The following ULK4 variants were observed in gnomAD, a reference collection of about 807,000 sequenced individuals.
The protein encoded by ULK4 is unc-51 like kinase 4, also known as inactive serine/threonine-protein kinase ULK4.
Under a neutral mutation model 160.6 loss-of-function variants are expected in ULK4, and 133 were observed. That is an observed-to-expected ratio of 0.83 (90% CI 0.72 to 0.96). The LOEUF is 0.96. Ranked by LOEUF, ULK4 falls within the 40% of genes least tolerant of loss-of-function variation. The pLI is 0.00. For synonymous variants in ULK4, 534 were observed against 539.8 expected, an observed-to-expected ratio of 0.99 and a Z score of 0.15; for missense variants, 1,580 against 1,499.5, an observed-to-expected ratio of 1.05 and a Z score of -0.89.
chr3:41,851,364 T>C (rs967707756), intron 17 of ULK4, among the ~76,000 whole-genome samples: 10 of 152,228 alleles, frequency 6.6e-5, no homozygotes, highest in African/African-American at 2.4e-4. Flanking sequence ...GTTCTGTTTA[T>C]ATGCTGGATT....
At position 41,527,666 on chromosome 3, in the gene ULK4, T is replaced by C. The variant is rs1418727695; in HGVS notation, c.3226+38359A>G. On this transcript the variant is annotated intron_variant, in intron 32 of 36. Transcript: ENST00000301831. Reference sequence around the variant, plus strand: ...GGTACGAACAGCTTTGGCTACTTAATAGCACCTTCCTATCTACTATTTCAT... The same window carrying C: ...GGTACGAACAGCTTTGGCTACTTAACAGCACCTTCCTATCTACTATTTCAT... Among the ~76,000 whole-genome samples the C allele has an allele frequency of 4.6e-5, 7 of 152,230 alleles. No individual in the cohort carries two copies. In the South Asian group the frequency reaches 8.3e-4, roughly 18 times the overall value.
intron 34 of ULK4, among the ~76,000 whole-genome samples, chr3:41,447,083 CAAAAAAAAAAAAA>C (rs756911141): frequency 2.8e-3 from 148 of 53,688 alleles, no homozygotes; most frequent in Middle Eastern, 0.019. Flanking sequence ...GACTCTGTCT[CAAAAAAAAAAAAA>C]AAAAAAAAAA....
At chr3:41,561,847 C>A (rs932765076) in intron 32 of ULK4, among the ~76,000 whole-genome samples, 4 of 151,814 alleles carry the variant, frequency 2.6e-5, no homozygotes, top group African/African-American at 7.3e-5. Context: ...GGGTTTTTTG[C>A]GTCTCTGTCT....
At chr3:41,536,698 G>A (rs1252906150) in intron 32 of ULK4, among the ~76,000 whole-genome samples, 2 of 152,110 alleles carry the variant, frequency 1.3e-5, no homozygotes, top group African/African-American at 4.8e-5. Context: ...TCATCATAAA[G>A]GTCTTCATCT....
chr3:41,868,737 T>C (rs1054479014), intron 17 of ULK4, among the ~76,000 whole-genome samples: 1 of 152,078 alleles, frequency 6.6e-6, no homozygotes, highest in African/African-American at 2.4e-5. Flanking sequence ...CCTCAAGTGA[T>C]CCACTCGCCT....
chr3:41,950,861 T>A lies in ULK4; in HGVS notation c.138+3761A>T, dbSNP rs1048767023. 2.0e-5 allele frequency among the ~76,000 whole-genome samples: 3 copies of A among 151,352 alleles called. No homozygotes were observed. In the South Asian group the frequency reaches 6.3e-4, roughly 32 times the overall value. Reference sequence around the variant, plus strand: ...GAAAGAAATTTTTAAAAGACATAAATAGGCTGGGCACGGTGGCTCACACCT... The same window carrying A: ...GAAAGAAATTTTTAAAAGACATAAAAAGGCTGGGCACGGTGGCTCACACCT... On this transcript the variant is annotated intron_variant, in intron 2 of 36. Transcript: ENST00000301831.
intron 32 of ULK4, among the ~76,000 whole-genome samples, chr3:41,481,215 T>C (rs60836305): frequency 0.032 from 4,827 of 152,276 alleles, 250 homozygotes; most frequent in African/African-American, 0.11. Flanking sequence ...GGGTCAGCTA[T>C]GTATAAGAGA....
chr3:41,728,782 T>C (rs1027482447), intron 22 of ULK4, among the ~76,000 whole-genome samples: 5 of 152,146 alleles, frequency 3.3e-5, no homozygotes, highest in African/African-American at 9.7e-5. Context: ...TGAATTAGGT[T>C]ATTCAGACAA....
At chr3:41,482,905 A>G (rs1265845635) in intron 32 of ULK4, among the ~76,000 whole-genome samples, 1 of 152,140 alleles carries the variant, frequency 6.6e-6, no homozygotes, top group Admixed American at 6.5e-5. Flanking sequence ...TAAGGTGTAT[A>G]TATTTATAAG....
intron 29 of ULK4, among the ~76,000 whole-genome samples, chr3:41,679,797 G>A (rs1463343968): frequency 6.6e-6 from 1 of 152,194 alleles, no homozygotes; most frequent in Admixed American, 6.5e-5. Context: ...TCCCTACTGT[G>A]TGGAGGAGAC....
chr3:41,641,417 C>T (rs909310836), intron 30 of ULK4, among the ~76,000 whole-genome samples: 3 of 152,152 alleles, frequency 2.0e-5, no homozygotes, highest in Non-Finnish European at 2.9e-5. Context: ...CTACACCAGG[C>T]CAGGCACGGT....
At position 41,560,333 on chromosome 3, in the gene ULK4, C is replaced by A. The variant is rs1348906303; in HGVS notation, c.3226+5692G>T. 1.0e-3 allele frequency among the ~76,000 whole-genome samples: 152 copies of A among 152,230 alleles called. 4 individuals are homozygous for A. The highest frequency in any genetic ancestry group is 9.6e-3 in the Admixed American group (147 of 15,282). On this transcript the variant is annotated intron_variant, in intron 32 of 36. Transcript: ENST00000301831. ...CTTTGTTCTTTTGGCTTAGGATTAT[C>A]TTGGCAATGCGGGCTCTTTTTTGGT...
At chr3:41,816,644 G>A (rs988222949) in intron 19 of ULK4, among the ~76,000 whole-genome samples, 5 of 152,184 alleles carry the variant, frequency 3.3e-5, no homozygotes, top group Admixed American at 1.3e-4. Context: ...GTGAAACTCT[G>A]TCTCTACAAA....
At chr3:41,950,126 A>G in intron 2 of ULK4, among the ~76,000 whole-genome samples, 1 of 150,168 alleles carries the variant, frequency 6.7e-6, no homozygotes, top group East Asian at 2.0e-4. Flanking sequence ...TCAGTCTGTC[A>G]CTCAGGTTGG....
At chr3:41,583,095 T>C (rs73830267) in intron 31 of ULK4, among the ~76,000 whole-genome samples, 1,610 of 152,318 alleles carry the variant, frequency 0.011, 28 homozygotes, top group African/African-American at 0.037. Context: ...AACAGAGTAC[T>C]ATTAGCTATT....
At chr3:41,878,158 T>G (rs1697380284) in intron 17 of ULK4, among the ~76,000 whole-genome samples, 1 of 149,736 alleles carries the variant, frequency 6.7e-6, no homozygotes, top group Admixed American at 6.6e-5. Flanking sequence ...GTAAACAAGA[T>G]TCCTTATAGA....
chr3:41,722,333 TA>T (rs1437117033), intron 22 of ULK4, among the ~76,000 whole-genome samples: 1 of 151,614 alleles, frequency 6.6e-6, no homozygotes, highest in African/African-American at 2.4e-5. Flanking sequence ...CTCAACTTAT[TA>T]AAATGAAAGA....
chr3:41,738,485 T>C (rs879832448), intron 22 of ULK4, among the ~76,000 whole-genome samples: 13 of 151,970 alleles, frequency 8.6e-5, no homozygotes, highest in African/African-American at 1.9e-4. Context: ...CTGGGACATC[T>C]TGACATCCCA....
At chr3:41,923,523 A>G (rs1157195036) in intron 5 of ULK4, among the ~76,000 whole-genome samples, 2 of 152,110 alleles carry the variant, frequency 1.3e-5, no homozygotes, top group African/African-American at 4.8e-5. Flanking sequence ...GAATCCCTGA[A>G]CCAATGTCAG....
Sources: gnomAD v4.1 joint callset for allele counts (sites outside exome capture counted in the v4.1 genomes callset) on GRCh38, gnomAD v4.1.1 for gene constraint, MANE v1.5 for transcripts, NCBI Gene and HGNC (gene_info 2026-07-23, HGNC 2026-07-21) for gene names.